DNER: variants seen among roughly 807,000 people sequenced by gnomAD.
The protein encoded by DNER is delta and Notch-like epidermal growth factor-related receptor.
A neutral mutation model predicts 78.2 loss-of-function variants in DNER; 33 were observed. That is an observed-to-expected ratio of 0.42 (90% CI 0.32 to 0.56). DNER has a LOEUF of 0.56. Among genes scored for constraint, DNER ranks in the 20% least tolerant of loss-of-function variants. The probability of loss-of-function intolerance (pLI) is 0.11; values close to 1 mark genes in which losing one functional copy is unlikely to be tolerated. For synonymous variants in DNER, 417 were observed against 384.8 expected (o/e 1.08, Z -0.98); for missense variants, 918 against 975.3 (o/e 0.94, Z 0.78).
intron 12 of DNER, among the ~76,000 whole-genome samples, chr2:229,359,737 G>A (rs1692171486): frequency 6.6e-6 from 1 of 152,190 alleles, no homozygotes; most frequent in Non-Finnish European, 1.5e-5. Flanking sequence ...GTATGGAGAT[G>A]GGAAGTAGAA....
intron 1 of DNER, among the ~76,000 whole-genome samples, chr2:229,658,378 A>G (rs187643004): frequency 1.7e-4 from 26 of 152,342 alleles, no homozygotes; most frequent in Middle Eastern, 3.4e-3. Context: ...GTTAATGAAC[A>G]TGTCCTTCCT....
chr2:229,487,390 A>G (rs1385817164), intron 6 of DNER, among the ~76,000 whole-genome samples: 3 of 152,256 alleles, frequency 2.0e-5, no homozygotes, highest in Non-Finnish European at 2.9e-5. Flanking sequence ...CTCAAATAAT[A>G]AAGTGCAATA....
intron 11 of DNER, among the ~76,000 whole-genome samples, chr2:229,381,812 G>T (rs1470585334): frequency 1.3e-5 from 2 of 152,122 alleles, no homozygotes; most frequent in Non-Finnish European, 1.5e-5. Flanking sequence ...CATCTCCCTG[G>T]GACAGAGCAC....
chr2:229,711,228 C>A (rs1398285418), intron 1 of DNER, among the ~76,000 whole-genome samples: 1 of 152,020 alleles, frequency 6.6e-6, no homozygotes, highest in African/African-American at 2.4e-5. Context: ...AACCCCTGGG[C>A]TTTCTTATCA....
At chr2:229,635,975 T>A (rs1457203641) in intron 1 of DNER, among the ~76,000 whole-genome samples, 1 of 138,566 alleles carries the variant, frequency 7.2e-6, no homozygotes, top group Non-Finnish European at 1.6e-5. Context: ...TTAGTTGACG[T>A]TTTACAGAGT....
chr2:229,441,379 A>G (rs891096115), intron 8 of DNER, among the ~76,000 whole-genome samples: 4 of 152,196 alleles, frequency 2.6e-5, no homozygotes. Context: ...ACACACCTGT[A>G]GTTGAACAAG....
At chr2:229,428,659 C>T (rs200991301) in intron 8 of DNER, among the ~76,000 whole-genome samples, 25 of 140,512 alleles carry the variant, frequency 1.8e-4, no homozygotes, top group East Asian at 1.0e-3. Context: ...CCCAGAAAAA[C>T]GGAAGTGATT....
intron 3 of DNER, chr2:229,586,548 AAACACACAAAAC>A: frequency 7.2e-5 from 7 of 96,932 alleles, no homozygotes; most frequent in Non-Finnish European, 9.9e-5. Context: ...AAAAAAAAAA[AAACACACAAAAC>A]CACCCCACAG....
chr2:229,706,523 A>ACT (rs1373715326), intron 1 of DNER, among the ~76,000 whole-genome samples: 1 of 152,128 alleles, frequency 6.6e-6, no homozygotes, highest in East Asian at 1.9e-4. Context: ...AGATCACACC[A>ACT]CTGCACTACA....
chr2:229,369,602 C>A (rs1172495988), intron 11 of DNER, among the ~76,000 whole-genome samples: 1 of 152,156 alleles, frequency 6.6e-6, no homozygotes, highest in East Asian at 1.9e-4. Context: ...GGGTCACATG[C>A]TGTTCCCTAA....
intron 1 of DNER, among the ~76,000 whole-genome samples, chr2:229,616,063 A>G (rs1348227779): frequency 6.6e-6 from 1 of 152,258 alleles, no homozygotes; most frequent in African/African-American, 2.4e-5. Flanking sequence ...AGATACAAGT[A>G]TATTTTTATT....
chr2:229,609,114 T>C (rs1375994125), intron 1 of DNER, among the ~76,000 whole-genome samples: 3 of 152,042 alleles, frequency 2.0e-5, no homozygotes, highest in East Asian at 1.9e-4. Flanking sequence ...TCTCAGCTAC[T>C]TGGGAGGCTG....
At chr2:229,627,344 A>G (rs1022557268) in intron 1 of DNER, among the ~76,000 whole-genome samples, 1 of 152,242 alleles carries the variant, frequency 6.6e-6, no homozygotes, top group African/African-American at 2.4e-5. Flanking sequence ...AAATAGCTCA[A>G]CAGGTCACCT....
At chr2:229,701,171 G>A (rs923509610) in intron 1 of DNER, among the ~76,000 whole-genome samples, 14 of 152,174 alleles carry the variant, frequency 9.2e-5, no homozygotes, top group South Asian at 4.1e-4. Flanking sequence ...ATTTCCATGC[G>A]TTTATAATGC....
intron 8 of DNER, among the ~76,000 whole-genome samples, chr2:229,433,845 C>T (rs1559350632): frequency 6.6e-6 from 1 of 152,182 alleles, no homozygotes; most frequent in East Asian, 1.9e-4. Flanking sequence ...TGTGAATTAG[C>T]TTTTTGCATT....
chr2:229,655,372 C>T (rs1359484442), intron 1 of DNER, among the ~76,000 whole-genome samples: 6 of 151,962 alleles, frequency 3.9e-5, no homozygotes, highest in Admixed American at 3.9e-4. Context: ...ACCAGAAAAG[C>T]ATCTTTTAAA....
At chr2:229,667,894 A>G (rs1400506505) in intron 1 of DNER, among the ~76,000 whole-genome samples, 1 of 152,224 alleles carries the variant, frequency 6.6e-6, no homozygotes, top group Non-Finnish European at 1.5e-5. Context: ...TCCACCCTTC[A>G]CCAGGGAATG....
At chr2:229,371,216 C>A (rs564538335) in intron 11 of DNER, among the ~76,000 whole-genome samples, 1 of 152,306 alleles carries the variant, frequency 6.6e-6, no homozygotes, top group East Asian at 1.9e-4. Context: ...CTGGCTAAGT[C>A]CAACGCTAGG....
chr2:229,471,810 A>G (rs374429344), intron 7 of DNER, among the ~76,000 whole-genome samples: 41 of 152,340 alleles, frequency 2.7e-4, no homozygotes, highest in African/African-American at 8.7e-4. Flanking sequence ...TTATAAATTA[A>G]AAAATGAGCC....
Sources: gnomAD v4.1 joint callset for allele counts (sites outside exome capture counted in the v4.1 genomes callset) on GRCh38, gnomAD v4.1.1 for gene constraint, MANE v1.5 for transcripts, NCBI Gene and HGNC (gene_info 2026-07-23, HGNC 2026-07-21) for gene names.